Variants in UGT1A10 observed in about 807,000 individuals in gnomAD.
The protein encoded by UGT1A10 is UDP-glucuronosyltransferase 1A10.
UGT1A10 carries 49 observed loss-of-function variants against 45.8 expected under a neutral mutation model. That is an observed-to-expected ratio of 1.07 (90% confidence interval 0.85 to 1.36). The LOEUF is 1.36. UGT1A10 is among the 40% of genes most tolerant of loss of function. The probability of loss-of-function intolerance (pLI) is 0.00; values close to 1 mark genes in which losing one functional copy is unlikely to be tolerated. For missense variants in UGT1A10, 745 were observed against 668.6 expected (o/e 1.11, Z -1.26); for synonymous variants, 284 against 249.7 (o/e 1.14, Z -1.29).
intron 1 of UGT1A10, among the ~76,000 whole-genome samples, chr2:233,673,533 T>A (rs539148752): frequency 6.6e-6 from 1 of 152,162 alleles, no homozygotes; most frequent in African/African-American, 2.4e-5. Context: ...AGGATTTCCA[T>A]GAATTGAGAA....
At chr2:233,664,702 C>T (rs1238795372) in intron 1 of UGT1A10, among the ~76,000 whole-genome samples, 1 of 152,166 alleles carries the variant, frequency 6.6e-6, no homozygotes, top group African/African-American at 2.4e-5. Flanking sequence ...GAGGGATCCA[C>T]CCCCATGATC....
At position 233,713,263 on chromosome 2, in the gene UGT1A10, G is replaced by A. The variant is rs146477190; in HGVS notation, c.856-53771G>A. On this transcript the variant is annotated intron_variant, in intron 1 of 4. Transcript: ENST00000344644. ...TCATGGACCCAGGACGAATTTGATC[G>A]CCTTTTGCTGGGTCACACTCAATCG... 2.3e-4 allele frequency: 375 copies of A among 1,614,196 alleles called. 3 individuals are homozygous for A. The highest frequency in any genetic ancestry group is 2.3e-3 in the Middle Eastern group (14 of 6,062).
intron 1 of UGT1A10, among the ~76,000 whole-genome samples, chr2:233,709,128 A>C (rs2125614330): frequency 6.6e-6 from 1 of 152,218 alleles, no homozygotes; most frequent in East Asian, 1.9e-4. Context: ...CATGGTGGCC[A>C]AGGGGATGAG....
chr2:233,636,948 T>C lies in UGT1A10; in HGVS notation c.426T>C (p.Phe142=). The C allele has an allele frequency of 3.1e-6, 5 of 1,614,204 alleles. No individual in the cohort carries two copies. Among genetic ancestry groups the C allele is most frequent in the Non-Finnish European group, 4.2e-6 (5 of 1,180,032 alleles). The change falls in exon 1 of 5, where the codon TTT becomes TTC. Residue 142 remains phenylalanine (F), a synonymous_variant. Transcript: ENST00000344644. The part of the protein sequence containing the change: ...KLVEYLKESS[F]DAVFLDPFDT... The stretch of plus-strand genomic sequence containing the variant: ...TAGAATACTTAAAGGAGAGTTCTTT[T>C]GATGCAGTGTTTCTGGATCCTTTTG...
intron 1 of UGT1A10, among the ~76,000 whole-genome samples, chr2:233,751,496 T>G (rs189001401): frequency 2.2e-4 from 34 of 152,268 alleles, no homozygotes; most frequent in African/African-American, 7.9e-4. Context: ...GACATGAGAT[T>G]TGGGAGGGGC....
chr2:233,649,351 A>G (rs1482562385), intron 1 of UGT1A10, among the ~76,000 whole-genome samples: 1 of 152,210 alleles, frequency 6.6e-6, no homozygotes, highest in African/African-American at 2.4e-5. Context: ...CTTCCAAGCA[A>G]TTATGACTTT....
chr2:233,743,538 C>T, intron 1 of UGT1A10: 1 of 1,367,252 alleles, frequency 7.3e-7, no homozygotes, highest in Non-Finnish European at 9.8e-7. Flanking sequence ...AGCAGTTCCT[C>T]TGACCCCCCC....
chr2:233,767,851 C>G lies in UGT1A10; in HGVS notation c.990C>G (p.Val330=), dbSNP rs752058783. 1 of 1,614,170 alleles carries G rather than the reference C, an allele frequency of 6.2e-7. No individual in the cohort carries two copies. Among genetic ancestry groups the G allele is most frequent in the Non-Finnish European group, 8.5e-7 (1 of 1,180,036 alleles). ...ADALGKIPQT[V]LWRYTGTRPS... Reference sequence around the variant, plus strand: ...TCTGCTCTTTTTGCCCCTCCCAGGTCCTGTGGCGGTACACTGGAACCCGAC... The same window carrying G: ...TCTGCTCTTTTTGCCCCTCCCAGGTGCTGTGGCGGTACACTGGAACCCGAC... The change falls in exon 3 of 5, where the codon GTC becomes GTG. Residue 330 remains valine (V), a splice_region_variant and synonymous_variant. Transcript: ENST00000344644.
In UGT1A10 at chr2:233,684,602, A is replaced by G. The variant is rs556392560; in HGVS notation, c.855+47225A>G. Among the ~76,000 whole-genome samples, 140 of 152,310 alleles carry G rather than the reference A, an allele frequency of 9.2e-4. 1 individual carries two copies. Among genetic ancestry groups the G allele is most frequent in the African/African-American group, 3.3e-3 (136 of 41,578 alleles). Reference sequence around the variant, plus strand: ...CATTGAGCCATATATAGTTTTACATATTTTGGTTATTTGTATATCTTCAGT... The same window carrying G: ...CATTGAGCCATATATAGTTTTACATGTTTTGGTTATTTGTATATCTTCAGT... On this transcript the variant is annotated intron_variant, in intron 1 of 4. Transcript: ENST00000344644.
intron 1 of UGT1A10, among the ~76,000 whole-genome samples, chr2:233,674,889 T>G (rs951053626): frequency 2.6e-5 from 4 of 152,242 alleles, no homozygotes; most frequent in Non-Finnish European, 4.4e-5. Context: ...CACTTCATAT[T>G]GCTCCTTCCT....
chr2:233,739,125 T>C (rs1690989547), intron 1 of UGT1A10: 1 of 152,272 alleles, frequency 6.6e-6, no homozygotes. Flanking sequence ...ACACAGAAGA[T>C]AAGAATTTAG....
intron 1 of UGT1A10, among the ~76,000 whole-genome samples, chr2:233,655,952 A>T (rs1575404629): frequency 6.6e-6 from 1 of 152,276 alleles, no homozygotes; most frequent in South Asian, 2.1e-4. Context: ...AGTTTGGAAA[A>T]GGAGTCTATA....
chr2:233,729,365 A>G, intron 1 of UGT1A10: 4 of 1,614,132 alleles, frequency 2.5e-6, no homozygotes, highest in African/African-American at 2.7e-5. Flanking sequence ...CTGACAACCT[A>G]TGCCATTTCG....
In UGT1A10 at chr2:233,772,906, C is replaced by G; in HGVS notation, c.*347C>G. ...TTCAAAGGTGGTCCCACGGCTGCCCCTACTGCAAATGGCAGTTTTAATCTT... is the reference window on the plus strand; with the variant it reads ...TTCAAAGGTGGTCCCACGGCTGCCCGTACTGCAAATGGCAGTTTTAATCTT... On this transcript the variant is annotated 3_prime_UTR_variant, in exon 5 of 5. Coordinates refer to ENST00000344644, the MANE Select transcript of UGT1A10 (RefSeq NM_019075.4). 1 of 412,406 alleles carries G rather than the reference C, an allele frequency of 2.4e-6. No homozygotes were observed. The highest frequency in any genetic ancestry group is 2.8e-5 in the South Asian group (1 of 36,156). The allele number at this position is 412,406 out of a possible 1,614,324, so 25.5% of individuals were successfully genotyped here. A position where few individuals can be genotyped will look rare whatever the true frequency, so the allele number is the denominator to read the frequency against.
intron 1 of UGT1A10, among the ~76,000 whole-genome samples, chr2:233,744,310 G>A (rs1252338874): frequency 6.6e-6 from 1 of 151,840 alleles, no homozygotes; most frequent in Non-Finnish European, 1.5e-5. Context: ...CAGGAGGGAA[G>A]AGGGTGGTGG....
chr2:233,713,373 T>C (rs1347311443), intron 1 of UGT1A10: 2 of 1,614,164 alleles, frequency 1.2e-6, no homozygotes, highest in Non-Finnish European at 8.5e-7. Context: ...ACATAGGTCT[T>C]GTGTGGAGCT....
chr2:233,725,279 GGCAGAGGCA>G (rs560438122), intron 1 of UGT1A10, among the ~76,000 whole-genome samples: 3 of 44,338 alleles, frequency 6.8e-5, no homozygotes, highest in East Asian at 1.5e-3. Flanking sequence ...CAGAGGCAGA[GGCAGAGGCA>G]GAGGCAGAGG....
intron 1 of UGT1A10, among the ~76,000 whole-genome samples, chr2:233,670,602 A>G (rs2074163735): frequency 6.6e-6 from 1 of 152,204 alleles, no homozygotes; most frequent in Non-Finnish European, 1.5e-5. Flanking sequence ...AAAAGCACTC[A>G]TCTCCATCAA....
intron 4 of UGT1A10, chr2:233,770,954 G>C (rs1038327841): frequency 2.6e-5 from 4 of 152,166 alleles, no homozygotes; most frequent in African/African-American, 9.7e-5. Flanking sequence ...ACCTCAGGGA[G>C]CTTTTACTCA....
Sources: allele counts gnomAD v4.1 joint callset (sites outside exome capture counted in the v4.1 genomes callset), GRCh38; gene constraint gnomAD v4.1.1; transcripts MANE v1.5; gene names NCBI Gene and HGNC (gene_info 2026-07-23, HGNC 2026-07-21).